Variants in MMP1 observed in about 807,000 individuals in gnomAD.
MMP1 encodes interstitial collagenase.
A neutral mutation model predicts 49.6 loss-of-function variants in MMP1; 51 were observed. The observed-to-expected ratio is 1.03, with a 90% CI of 0.82 to 1.30. MMP1 has a LOEUF of 1.30. MMP1 is among the 50% of genes most tolerant of loss of function. The pLI, the probability that MMP1 is intolerant of heterozygous loss-of-function variation, is 0.00. For missense variants in MMP1, 623 were observed against 568.7 expected (o/e 1.10, Z -0.97); for synonymous variants, 230 against 196.8 (o/e 1.17, Z -1.41).
Position 102,797,078 on chromosome 11 carries a change from T to C in MMP1, c.435A>G (p.Thr145=), listed in dbSNP as rs759085492. ...EKAFQLWSNV[T]PLTFTKVSEG... ...CAGAGACCTTGGTGAATGTCAGAGG[T>C]GTGACATTACTCCAGAGTTGGAAGG... Residue 145 remains threonine (T), a synonymous_variant, in exon 3 of 10, where the codon ACA becomes ACG. Transcript: ENST00000315274. 5.0e-6 allele frequency: 8 copies of C among 1,614,002 alleles called. No homozygotes were observed. In the African/African-American group the frequency reaches 9.3e-5, roughly 19 times the overall value.
chr11:102,796,055 G>A (rs1428533143), intron 4 of MMP1, among the ~76,000 whole-genome samples: 4 of 152,092 alleles, frequency 2.6e-5, no homozygotes, highest in Non-Finnish European at 5.9e-5. Flanking sequence ...GGTTCAGGCG[G>A]TTCTCCTGCC....
At position 102,791,087 on chromosome 11, in the gene MMP1, G is replaced by T. The variant is rs373622120; in HGVS notation, c.1196+246C>A. On this transcript the variant is annotated intron_variant, in intron 8 of 9. Transcript: ENST00000315274. ...AGTAACTTTTGGCCAAAGTAGCTCC[G>T]TTAAGATGAATGTCCTCAATTCTAC... Among the ~76,000 whole-genome samples the T allele has an allele frequency of 3.3e-5, 5 of 152,288 alleles. No homozygotes were observed. In the South Asian group the frequency reaches 1.0e-3, roughly 32 times the overall value.
intron 6 of MMP1, 24 bp downstream of exon 6, chr11:102,795,150 C>A: frequency 6.6e-7 from 1 of 1,522,902 alleles, no homozygotes; most frequent in South Asian, 1.1e-5. Context: ...AAATGCAGAT[C>A]ACAAAGAAGA....
intron 4 of MMP1, among the ~76,000 whole-genome samples, chr11:102,795,898 C>T (rs184731679): frequency 2.6e-5 from 4 of 152,260 alleles, no homozygotes; most frequent in East Asian, 3.9e-4. Context: ...TTAAATGACA[C>T]GTACTATTTC....
intron 7 of MMP1, among the ~76,000 whole-genome samples, chr11:102,791,983 G>A (rs1053904438): frequency 6.6e-6 from 1 of 152,180 alleles, no homozygotes; most frequent in African/African-American, 2.4e-5. Context: ...GCTGTGTCCA[G>A]ATTCCGTGTT....
In MMP1 at chr11:102,796,722, T is replaced by C; in HGVS notation, c.567A>G (p.Pro189=). The C allele has an allele frequency of 6.2e-7, 1 of 1,614,040 alleles. No individual in the cohort carries two copies. The highest frequency in any genetic ancestry group is 1.1e-5 in the South Asian group (1 of 91,070). ...CAAAATGAGCATCCCCTCCAATACC[T>C]GGGCCTGGTTGAAAAGCATGAGCAA... The part of the protein sequence containing the change: ...GNLAHAFQPG[P]GIGGDAHFDE... The change falls in exon 4 of 10, where the codon CCA becomes CCG. Residue 189 remains proline (P), a synonymous_variant. Coordinates refer to ENST00000315274, the MANE Select transcript of MMP1 (RefSeq NM_002421.4).
intron 3 of MMP1, 42 bp from the exon 4 acceptor site, chr11:102,796,831 G>A (rs1488320632): frequency 7.5e-6 from 12 of 1,603,370 alleles, no homozygotes; most frequent in African/African-American, 5.4e-5. Context: ...TGGTTCTTAT[G>A]TAAGCTAAGC....
At chr11:102,795,765 G>A (rs1017768381) in intron 4 of MMP1, among the ~76,000 whole-genome samples, 158 bp from the exon 5 acceptor site, 2 of 152,042 alleles carry the variant, frequency 1.3e-5, no homozygotes, top group African/African-American at 2.4e-5. Context: ...AAGGCAGAAG[G>A]CATGCATTTA....
intron 4 of MMP1, 88 bp downstream of exon 4, chr11:102,796,576 G>T (rs1452168229): frequency 1.4e-6 from 2 of 1,436,644 alleles, no homozygotes; most frequent in East Asian, 4.7e-5. Context: ...ATACTTCTAT[G>T]AATGCATTCT....
chr11:102,797,264 C>T lies in MMP1; in HGVS notation c.342G>A (p.Leu114=). ...GCCCTCAGTCTGCCTACCTGTAGGT[C>T]AGATGTGTTTGCTCCCAGCGAGGGT... ...EGNPRWEQTH[L]TYRIENYTPD... is the part of the protein sequence containing the mutation. The change falls in exon 2 of 10, where the codon CTG becomes CTA. Residue 114 remains leucine, a synonymous_variant. Coordinates refer to ENST00000315274, the MANE Select transcript of MMP1 (RefSeq NM_002421.4). 6.2e-7 allele frequency: 1 copy of T among 1,614,202 alleles called. No individual in the cohort carries two copies. The highest frequency in any genetic ancestry group is 8.5e-7 in the Non-Finnish European group (1 of 1,180,038).
At chr11:102,791,574 G>A in intron 7 of MMP1, 79 bp from the exon 8 acceptor site, 1 of 1,503,054 alleles carries the variant, frequency 6.7e-7, no homozygotes, top group Non-Finnish European at 9.2e-7. Flanking sequence ...TAAGTTCTTA[G>A]TTTCACATGC....
At chr11:102,796,429 G>A (rs974735390) in intron 4 of MMP1, among the ~76,000 whole-genome samples, 29 of 152,118 alleles carry the variant, frequency 1.9e-4, no homozygotes, top group African/African-American at 7.0e-4. Context: ...AAACATCAAA[G>A]TTTTCAACAA....
chr11:102,797,957 A>T (rs776928756), intron 1 of MMP1, 31 bp downstream of exon 1: 1 of 1,474,998 alleles, frequency 6.8e-7, no homozygotes, highest in Admixed American at 1.8e-5. Flanking sequence ...CTAAAAATTT[A>T]CATTATTGTC....
Position 102,792,739 on chromosome 11 carries a change from C to G in MMP1, c.900-1G>C. ...GAAGGGATTTGTGCGCATGTAGAAT[C>G]TGATTAGAAAAAAAGCAAGAAAAGT... is the stretch of plus-strand genomic sequence containing the variant. On this transcript the variant is annotated splice_acceptor_variant, in intron 6 of 9. Coordinates refer to ENST00000315274, the MANE Select transcript of MMP1 (RefSeq NM_002421.4). LOFTEE classifies it high-confidence loss of function. 6.3e-7 allele frequency: 1 copy of G among 1,595,360 alleles called. No individual in the cohort carries two copies. Among genetic ancestry groups the G allele is most frequent in the South Asian group, 1.1e-5 (1 of 89,468 alleles).
chr11:102,795,540 A>G lies in MMP1; in HGVS notation c.693T>C (p.Asp231=). ...GHSLGLSHST[D]IGALMYPSYT... ...AGCTAGGGTACATCAAAGCCCCGAT[A>G]TCAGTAGAATGGGAGAGTCCAAGAG... is the stretch of plus-strand genomic sequence containing the variant. The change falls in exon 5 of 10, where the codon GAT becomes GAC. Residue 231 remains aspartate, a synonymous_variant. Transcript: ENST00000315274. 1.9e-6 allele frequency: 3 copies of G among 1,614,112 alleles called. No individual in the cohort carries two copies. The highest frequency in any genetic ancestry group is 2.5e-6 in the Non-Finnish European group (3 of 1,180,002).
At chr11:102,790,563 G>T in intron 9 of MMP1, 42 bp from the exon 10 acceptor site, 1 of 1,402,018 alleles carries the variant, frequency 7.1e-7, no homozygotes, top group Non-Finnish European at 1.0e-6. Context: ...TATACAAGTA[G>T]TTTCTAGGTT....
rs748514864 is a variant in MMP1, at chr11:102,797,145, G to A, written c.368C>T (p.Pro123Leu). 3.1e-6 allele frequency: 5 copies of A among 1,614,100 alleles called. No individual in the cohort carries two copies. The South Asian group carries it at 5.5e-5, about 18-fold the overall frequency. The change falls in exon 3 of 10, where the codon CCA becomes CTA. Residue 123 changes from proline (P) to leucine (L), a missense_variant. By Grantham distance (98) the Pro-to-Leu change is moderately conservative. Transcript: ENST00000315274. ...GTCCACATCTGCTCTTGGCAAATCTGGCGTGTAATTTTCAATCCTTAGAAT... is the reference window on the plus strand; with the variant it reads ...GTCCACATCTGCTCTTGGCAAATCTAGCGTGTAATTTTCAATCCTTAGAAT... ...HLTYRIENYT[P>L]DLPRADVDHA...
At chr11:102,792,444 G>C (rs948625589) in intron 7 of MMP1, among the ~76,000 whole-genome samples, 161 bp downstream of exon 7, 4 of 152,146 alleles carry the variant, frequency 2.6e-5, no homozygotes, top group African/African-American at 4.8e-5. Flanking sequence ...AATGCGCTAC[G>C]CACCGTTTAG....
At chr11:102,796,814 T>G in intron 3 of MMP1, 25 bp from the exon 4 acceptor site, 1 of 1,608,200 alleles carries the variant, frequency 6.2e-7, no homozygotes, top group Non-Finnish European at 8.5e-7. Context: ...TCAACAAAGA[T>G]TCCTTGTGGT....
Sources: allele counts gnomAD v4.1 joint callset (sites outside exome capture counted in the v4.1 genomes callset), GRCh38; gene constraint gnomAD v4.1.1; transcripts MANE v1.5; gene names NCBI Gene and HGNC (gene_info 2026-07-23, HGNC 2026-07-21).